NOL10: variants seen among roughly 807,000 people sequenced by gnomAD.
NOL10 encodes the protein nucleolar protein 10.
NOL10 carries 58 observed loss-of-function variants against 103.5 expected under a neutral mutation model. That is an observed-to-expected ratio of 0.56 (90% CI 0.45 to 0.70). NOL10 has a LOEUF of 0.70. Ranked by LOEUF, NOL10 falls within the 30% of genes least tolerant of loss-of-function variation. The probability of loss-of-function intolerance (pLI) is 0.00; values close to 1 mark genes in which losing one functional copy is unlikely to be tolerated. For synonymous variants in NOL10, 287 were observed against 282.5 expected, an observed-to-expected ratio of 1.02 and a Z score of -0.16; for missense variants, 763 against 807.3, an observed-to-expected ratio of 0.95 and a Z score of 0.67.
At chr2:10,643,638 G>A (rs547638831) in intron 13 of NOL10, among the ~76,000 whole-genome samples, 1 of 152,222 alleles carries the variant, frequency 6.6e-6, no homozygotes, top group Admixed American at 6.5e-5. Context: ...ATTTATATAT[G>A]TAACTTATTT....
At chr2:10,622,898 C>A (rs1259445908) in intron 13 of NOL10, among the ~76,000 whole-genome samples, 1 of 152,096 alleles carries the variant, frequency 6.6e-6, no homozygotes, top group Non-Finnish European at 1.5e-5. Context: ...AATTTAGTAT[C>A]TATTCCACCT....
At chr2:10,603,293 T>C in intron 14 of NOL10, 136 bp from the exon 15 acceptor site, 1 of 644,638 alleles carries the variant, frequency 1.6e-6, no homozygotes, top group South Asian at 2.1e-5. Flanking sequence ...ATTACTAATC[T>C]TCTTTGATAT....
intron 13 of NOL10, among the ~76,000 whole-genome samples, chr2:10,608,356 C>G (rs112927026): frequency 2.4e-3 from 358 of 152,202 alleles, no homozygotes; most frequent in African/African-American, 8.3e-3. Context: ...AAAATATAAT[C>G]CACCTACTTT....
At chr2:10,589,897 G>A in intron 17 of NOL10, 146 bp from the exon 18 acceptor site, 1 of 483,742 alleles carries the variant, frequency 2.1e-6, no homozygotes, top group Non-Finnish European at 3.4e-6. Context: ...ATTTCTTCCA[G>A]GACTTTCAAC....
At chr2:10,609,545 A>T (rs556416953) in intron 13 of NOL10, among the ~76,000 whole-genome samples, 7 of 151,888 alleles carry the variant, frequency 4.6e-5, no homozygotes, top group Admixed American at 4.6e-4. Context: ...GCTTGCAGTG[A>T]GCCAAGATCA....
intron 8 of NOL10, 144 bp from the exon 9 acceptor site, chr2:10,663,188 G>T: frequency 1.7e-6 from 1 of 594,450 alleles, no homozygotes; most frequent in Non-Finnish European, 3.0e-6. Flanking sequence ...CTAACATGGC[G>T]AAACTCTGTT....
At chr2:10,658,155 A>G (rs773197842) in intron 10 of NOL10, among the ~76,000 whole-genome samples, 3 of 152,228 alleles carry the variant, frequency 2.0e-5, no homozygotes, top group East Asian at 1.9e-4. Flanking sequence ...ATGAAAGCCC[A>G]TAAGAATTTA....
intron 17 of NOL10, among the ~76,000 whole-genome samples, chr2:10,597,816 T>C (rs1033557466): frequency 6.6e-6 from 1 of 152,216 alleles, no homozygotes. Flanking sequence ...GAAACTGCTG[T>C]TTGATGGAAG....
intron 19 of NOL10, among the ~76,000 whole-genome samples, chr2:10,583,968 T>A (rs1335564966): frequency 1.3e-5 from 2 of 152,184 alleles, no homozygotes; most frequent in East Asian, 3.8e-4. Flanking sequence ...ATAGATTGGA[T>A]CCCATTCATC....
At chr2:10,683,051 G>A (rs1164754040) in intron 2 of NOL10, among the ~76,000 whole-genome samples, 2 of 152,126 alleles carry the variant, frequency 1.3e-5, no homozygotes, top group Non-Finnish European at 2.9e-5. Flanking sequence ...CCAAAGTGCT[G>A]GGATTACAGG....
intron 4 of NOL10, among the ~76,000 whole-genome samples, chr2:10,674,003 T>C (rs967129389): frequency 2.0e-5 from 3 of 151,850 alleles, no homozygotes; most frequent in Non-Finnish European, 4.4e-5. Context: ...TTCTATTGTT[T>C]TCAATAAACA....
chr2:10,685,387 G>T (rs180833329), intron 1 of NOL10, among the ~76,000 whole-genome samples: 111 of 151,150 alleles, frequency 7.3e-4, no homozygotes, highest in African/African-American at 2.5e-3. Flanking sequence ...CAGCTACTCG[G>T]GAGGCTGAGG....
At chr2:10,634,184 GT>G (rs1270247776) in intron 13 of NOL10, among the ~76,000 whole-genome samples, 15 of 152,254 alleles carry the variant, frequency 9.9e-5, no homozygotes, top group African/African-American at 3.4e-4. Flanking sequence ...TGGAAAATAG[GT>G]TACAAGAGAG....
intron 17 of NOL10, among the ~76,000 whole-genome samples, chr2:10,598,871 T>A (rs559661741): frequency 6.6e-6 from 1 of 152,222 alleles, no homozygotes; most frequent in African/African-American, 2.4e-5. Flanking sequence ...AATGAAAAGA[T>A]CCTAGTTTTC....
At chr2:10,639,058 C>G (rs2148268917) in intron 13 of NOL10, among the ~76,000 whole-genome samples, 1 of 151,834 alleles carries the variant, frequency 6.6e-6, no homozygotes, top group East Asian at 2.0e-4. Context: ...CCATCTCAGC[C>G]TCCCAAAGTG....
At chr2:10,637,648 G>A (rs1678354907) in intron 13 of NOL10, among the ~76,000 whole-genome samples, 1 of 152,194 alleles carries the variant, frequency 6.6e-6, no homozygotes, top group African/African-American at 2.4e-5. Flanking sequence ...TTCCAATTGT[G>A]CATTTCCTTT....
At chr2:10,634,728 C>T (rs1437485830) in intron 13 of NOL10, among the ~76,000 whole-genome samples, 1 of 152,086 alleles carries the variant, frequency 6.6e-6, no homozygotes, top group South Asian at 2.1e-4. Flanking sequence ...AGGCAAGATC[C>T]GAAGTCTAGG....
chr2:10,572,133 T>C lies in NOL10; in HGVS notation c.2005A>G (p.Arg669Gly), dbSNP rs1360626361. The stretch of plus-strand genomic sequence containing the variant: ...AGGTGTCCGGCCGAACGACGGAGTC[T>C]TTTCCTTTCTTGTCGATGCAGTTTC... ...AEKLHRQERKRLRRSAGHLKS... is the reference protein window; with the variant it reads ...AEKLHRQERKGLRRSAGHLKS... The change falls in exon 21 of 21, where the codon AGA (arginine) becomes GGA (glycine). Residue 669 changes from arginine to glycine, a missense_variant. Coordinates refer to ENST00000381685, the MANE Select transcript of NOL10 (RefSeq NM_024894.4). 2 of 1,613,880 alleles carry C rather than the reference T, an allele frequency of 1.2e-6. No homozygotes were observed. Among genetic ancestry groups the C allele is most frequent in the African/African-American group, 2.7e-5 (2 of 74,934 alleles).
At chr2:10,578,965 C>A (rs78712844) in intron 19 of NOL10, among the ~76,000 whole-genome samples, 30,820 of 152,174 alleles carry the variant, frequency 0.2, 4,102 homozygotes, top group Non-Finnish European at 0.3. Flanking sequence ...GCTAAGAAAC[C>A]TGACTGAAGA....
Sources: gnomAD v4.1 joint callset for allele counts (sites outside exome capture counted in the v4.1 genomes callset) on GRCh38, gnomAD v4.1.1 for gene constraint, MANE v1.5 for transcripts, NCBI Gene and HGNC (gene_info 2026-07-23, HGNC 2026-07-21) for gene names.